Variants in WNK3 observed in about 807,000 individuals in gnomAD.
WNK3 encodes the protein serine/threonine-protein kinase WNK3.
A neutral mutation model predicts 116.7 loss-of-function variants in WNK3; 18 were observed. That is an observed-to-expected ratio of 0.15 (90% CI 0.11 to 0.23). The LOEUF is 0.23. WNK3 is among the 10% of genes least tolerant of loss of function. The probability of loss-of-function intolerance (pLI) is 1.00; values close to 1 mark genes in which losing one functional copy is unlikely to be tolerated. For missense variants in WNK3, 993 were observed against 1,323.8 expected, an observed-to-expected ratio of 0.75 and a Z score of 3.88; for synonymous variants, 404 against 469.4, an observed-to-expected ratio of 0.86 and a Z score of 1.80.
chrX:54,340,372 G>A (rs2069304301), intron 1 of WNK3, among the ~76,000 whole-genome samples: 1 of 110,603 alleles, frequency 9.0e-6, no homozygotes, highest in Non-Finnish European at 1.9e-5. Flanking sequence ...CACTCTGGGA[G>A]GCTGAGGCGG....
At chrX:54,223,813 C>T in intron 22 of WNK3, 1 of 134,231 alleles carries the variant, frequency 7.4e-6, no homozygotes, top group Admixed American at 8.5e-5. Flanking sequence ...TGTCTTCCTG[C>T]CTGCCCTGCA....
At chrX:54,226,821 C>T (rs1310266839) in intron 22 of WNK3, among the ~76,000 whole-genome samples, 5 of 111,914 alleles carry the variant, frequency 4.5e-5, no homozygotes, top group East Asian at 5.6e-4. Context: ...GCCTGGGCGA[C>T]GGAGTGAGAC....
intron 11 of WNK3, among the ~76,000 whole-genome samples, chrX:54,256,759 T>C (rs2068196715): frequency 8.9e-6 from 1 of 112,597 alleles, no homozygotes; most frequent in Non-Finnish European, 1.9e-5. Flanking sequence ...TATGTCCATA[T>C]GACGTATGAC....
At chrX:54,224,727 A>G (rs1247336980) in intron 22 of WNK3, among the ~76,000 whole-genome samples, 7 of 109,006 alleles carry the variant, frequency 6.4e-5, no homozygotes, top group South Asian at 8.3e-4. Context: ...CCGCCACCAC[A>G]CTGGGCTAAT....
At chrX:54,271,197 T>C (rs1195595464) in intron 10 of WNK3, among the ~76,000 whole-genome samples, 2 of 111,916 alleles carry the variant, frequency 1.8e-5, no homozygotes, top group East Asian at 5.5e-4. Flanking sequence ...TTTTTACTTA[T>C]AAAGATAAAG....
At chrX:54,355,412 C>A (rs2069580322) in intron 1 of WNK3, among the ~76,000 whole-genome samples, 1 of 111,072 alleles carries the variant, frequency 9.0e-6, no homozygotes, top group African/African-American at 3.3e-5. Flanking sequence ...GCCTCCCAAC[C>A]AAAGTACCGT....
In WNK3 at chrX:54,209,612, G is replaced by A. The variant is rs782661289; in HGVS notation, c.4871-7419C>T. 1.4e-4 allele frequency among the ~76,000 whole-genome samples: 13 copies of A among 91,129 alleles called. No individual in the cohort carries two copies. The Admixed American group carries it at 1.5e-3, about 11-fold the overall frequency. The allele number at this position is 91,129 out of a possible 115,157, so 79.1% of individuals were successfully genotyped here. On this transcript the variant is annotated intron_variant, in intron 22 of 23. Coordinates refer to ENST00000354646, the Ensembl canonical transcript of WNK3. ...GTCACCCAGGCTGGAGTGCAGTGGC[G>A]TGATCTCAGCTCACTGCAACCTCCG...
chrX:54,294,597 T>A (rs782151856), exon 8 of WNK3: 1 of 1,200,131 alleles, frequency 8.3e-7, no homozygotes, highest in South Asian at 1.8e-5. Flanking sequence ...TTGTAGAAGC[T>A]GTTGTCTAAC....
chrX:54,355,433 T>G (rs1401901607), intron 1 of WNK3, among the ~76,000 whole-genome samples: 3 of 111,172 alleles, frequency 2.7e-5, no homozygotes, highest in African/African-American at 6.5e-5. Flanking sequence ...AATAAAATTA[T>G]GTACAAGGTA....
chrX:54,259,378 T>A, intron 10 of WNK3, 40 bp from the exon 11 acceptor site: 1 of 930,763 alleles, frequency 1.1e-6, no homozygotes, highest in Non-Finnish European at 1.5e-6. Flanking sequence ...ATGATAACAG[T>A]AAAATTCAAG....
intron 22 of WNK3, among the ~76,000 whole-genome samples, chrX:54,220,860 A>C (rs189901005): frequency 5.4e-5 from 6 of 111,309 alleles, no homozygotes; most frequent in Admixed American, 1.9e-4. Flanking sequence ...TATATAATTA[A>C]AGAAATTTAA....
At chrX:54,258,293 A>G (rs2068218913) in intron 11 of WNK3, among the ~76,000 whole-genome samples, 1 of 108,356 alleles carries the variant, frequency 9.2e-6, no homozygotes, top group Non-Finnish European at 1.9e-5. Flanking sequence ...AAAAAAAAAA[A>G]AAAAGAACAA....
chrX:54,287,915 CTG>C (rs2068597642), intron 10 of WNK3, among the ~76,000 whole-genome samples: 1 of 112,260 alleles, frequency 8.9e-6, no homozygotes, highest in Non-Finnish European at 1.9e-5. Context: ...GTAAATGCTG[CTG>C]TGTGTGTAAC....
At chrX:54,285,594 C>T (rs1282496562) in intron 10 of WNK3, among the ~76,000 whole-genome samples, 3 of 111,844 alleles carry the variant, frequency 2.7e-5, no homozygotes, top group Non-Finnish European at 5.6e-5. Context: ...GGAACACAGC[C>T]GCGCCTATTT....
At chrX:54,224,467 A>G (rs1264461046) in intron 22 of WNK3, among the ~76,000 whole-genome samples, 1 of 13,495 alleles carries the variant, frequency 7.4e-5, no homozygotes, top group African/African-American at 3.3e-4. Flanking sequence ...ATATAAATTA[A>G]GAAGACATAA....
At chrX:54,319,068 G>T (rs1463682980) in intron 2 of WNK3, among the ~76,000 whole-genome samples, 1 of 109,013 alleles carries the variant, frequency 9.2e-6, no homozygotes, top group Non-Finnish European at 1.9e-5. Flanking sequence ...ATGAGCCACT[G>T]CACCCAGCCC....
exon 24 of WNK3, chrX:54,193,821 C>T (rs2067420874): frequency 9.0e-6 from 1 of 111,326 alleles, no homozygotes; most frequent in Non-Finnish European, 1.9e-5. Flanking sequence ...AGAAATTACA[C>T]CTATCAAATC....
chrX:54,272,927 C>T (rs2068400206), intron 10 of WNK3, among the ~76,000 whole-genome samples: 1 of 111,980 alleles, frequency 8.9e-6, no homozygotes, highest in Non-Finnish European at 1.9e-5. Flanking sequence ...GAAAATAGAA[C>T]CACAATTTCT....
At chrX:54,203,807 C>T (rs1360871090) in intron 22 of WNK3, among the ~76,000 whole-genome samples, 9 of 109,353 alleles carry the variant, frequency 8.2e-5, no homozygotes, top group Non-Finnish European at 3.8e-5. Context: ...ATTAGCCAGG[C>T]GTGGGGGTGT....
Sources: allele counts gnomAD v4.1 joint callset (sites outside exome capture counted in the v4.1 genomes callset), GRCh38; gene constraint gnomAD v4.1.1; transcripts MANE v1.5; gene names NCBI Gene and HGNC (gene_info 2026-07-23, HGNC 2026-07-21).